Variants in ACER1 observed in about 807,000 individuals in gnomAD.
ACER1 encodes alkaline ceramidase 1.
ACER1 carries 28 observed loss-of-function variants against 24.9 expected under a neutral mutation model. The ratio of observed to expected loss-of-function variants is 1.13; its 90% CI spans 0.83 to 1.54. The LOEUF (loss-of-function observed/expected upper bound fraction) is 1.54. ACER1 is among the 40% of genes most tolerant of loss of function. The pLI is 0.00. For missense variants in ACER1, 352 were observed against 349.3 expected (o/e 1.01, Z -0.06); for synonymous variants, 132 against 131.4 (o/e 1.00, Z -0.03).
At chr19:6,345,153 C>T in the ACER1 span, among the ~76,000 whole-genome samples, 1 of 152,104 alleles carries the variant, frequency 6.6e-6, no homozygotes, top group Non-Finnish European at 1.5e-5. Flanking sequence ...CCTCTGCCAC[C>T]CAAAGTGCTG....
At position 6,316,676 on chromosome 19, in the gene ACER1, C is replaced by T. The variant is rs146605171; in HGVS notation, c.94-4177G>A. On this transcript the variant is annotated intron_variant, in intron 1 of 5. Coordinates refer to ENST00000301452, the MANE Select transcript of ACER1 (RefSeq NM_133492.3). ...TCTACTAAAGATACAAAAAATTAGC[C>T]GAGCATGGTGGTGCATGCCTATAAT... Among the ~76,000 whole-genome samples, 1,178 of 151,686 alleles carry T rather than the reference C, an allele frequency of 7.8e-3. 6 individuals are homozygous for T. Among genetic ancestry groups the T allele is most frequent in the South Asian group, 0.016 (78 of 4,786 alleles).
chr19:6,335,812 CAGAG>C (rs1372905129), upstream of ACER1, among the ~76,000 whole-genome samples: 1 of 151,292 alleles, frequency 6.6e-6, no homozygotes, highest in Non-Finnish European at 1.5e-5. Context: ...GCCTGGGTGA[CAGAG>C]AAAGACTCTG....
chr19:6,310,756 T>A (rs1232163213), intron 3 of ACER1, among the ~76,000 whole-genome samples: 10 of 150,936 alleles, frequency 6.6e-5, no homozygotes, highest in Admixed American at 5.3e-4. Flanking sequence ...GGCATGTGCC[T>A]GTAATCTCAG....
chr19:6,339,942 G>C, the ACER1 span, among the ~76,000 whole-genome samples: 1 of 151,670 alleles, frequency 6.6e-6, no homozygotes, highest in Non-Finnish European at 1.5e-5. Context: ...TGGGATTACA[G>C]GCGTGAGCCA....
Position 6,306,746 on chromosome 19 carries a change from CG to C in ACER1, c.762del (p.Tyr254Ter). On this transcript the variant is annotated frameshift_variant, in exon 6 of 6. Transcript: ENST00000301452. LOFTEE classifies it high-confidence loss of function. Reference protein sequence around the residue: ...PRDSWPVGLPYVEIRGDDKDC With the variant: ...PRDSWPVGLPXVEIRGDDKDC ...TCCTTGTCATCACCCCGGATTTCCA[CG>C]TAGGGCAGCCCCACGGGCCAACTGT... 2.5e-6 allele frequency: 4 copies of C among 1,613,242 alleles called. No homozygotes were observed. The highest frequency in any genetic ancestry group is 2.5e-6 in the Non-Finnish European group (3 of 1,179,502).
intron 1 of ACER1, among the ~76,000 whole-genome samples, chr19:6,325,323 G>C (rs957749080): frequency 2.0e-5 from 3 of 152,182 alleles, no homozygotes; most frequent in African/African-American, 7.2e-5. Context: ...TCCGCTTCAA[G>C]CTGCTCACTA....
the ACER1 span, among the ~76,000 whole-genome samples, chr19:6,353,945 G>A: frequency 7.8e-4 from 118 of 152,066 alleles, 6 homozygotes; most frequent in South Asian, 0.024. Flanking sequence ...ACTTTGGGAG[G>A]CCGAGGTGGG....
At chr19:6,322,455 C>CCAAACTCCTACCCCACTTGG (rs2091635688) in intron 1 of ACER1, among the ~76,000 whole-genome samples, 2 of 152,036 alleles carry the variant, frequency 1.3e-5, no homozygotes, top group African/African-American at 4.8e-5. Flanking sequence ...CTGTCTTTCC[C>CCAAACTCCTACCCCACTTGG]CAAACTCCTA....
upstream of ACER1, among the ~76,000 whole-genome samples, chr19:6,336,121 G>A (rs1043600186): frequency 8.6e-5 from 13 of 151,790 alleles, no homozygotes; most frequent in African/African-American, 2.4e-4. Context: ...GGCTAGTCTC[G>A]AACTCGTGAC....
chr19:6,312,116 C>G (rs376793553), intron 3 of ACER1, 33 bp downstream of exon 3: 45 of 1,607,492 alleles, frequency 2.8e-5, no homozygotes, highest in Non-Finnish European at 3.8e-5. Flanking sequence ...GACTCAGACC[C>G]CACCCTGTCC....
At chr19:6,357,094 G>A in the ACER1 span, among the ~76,000 whole-genome samples, 1 of 149,024 alleles carries the variant, frequency 6.7e-6, no homozygotes, top group African/African-American at 2.5e-5. Context: ...GCCCAGGCTG[G>A]AGTGCAATGG....
chr19:6,360,066 C>T, the ACER1 span: 1 of 152,222 alleles, frequency 6.6e-6, no homozygotes, highest in Non-Finnish European at 1.5e-5. Flanking sequence ...AGCAATCTTC[C>T]TACTTCCACC....
At chr19:6,321,785 T>A (rs958650723) in intron 1 of ACER1, among the ~76,000 whole-genome samples, 1 of 152,184 alleles carries the variant, frequency 6.6e-6, no homozygotes, top group Non-Finnish European at 1.5e-5. Flanking sequence ...TTTTTAAAAT[T>A]ATTTTTAGTA....
chr19:6,321,433 A>G (rs1177967487), intron 1 of ACER1, among the ~76,000 whole-genome samples: 1 of 151,916 alleles, frequency 6.6e-6, no homozygotes, highest in African/African-American at 2.4e-5. Flanking sequence ...GAGCCACCCC[A>G]TCTGGCCGAA....
chr19:6,346,394 T>C, the ACER1 span, among the ~76,000 whole-genome samples: 1 of 152,030 alleles, frequency 6.6e-6, no homozygotes, highest in Non-Finnish European at 1.5e-5. Flanking sequence ...TAACCTCAAA[T>C]GGGTATTCTA....
the ACER1 span, among the ~76,000 whole-genome samples, chr19:6,348,052 A>C: frequency 7.1e-6 from 1 of 141,228 alleles, no homozygotes; most frequent in Non-Finnish European, 1.5e-5. Flanking sequence ...GCCTGACTAG[A>C]AGTGTTAATT....
the ACER1 span, among the ~76,000 whole-genome samples, chr19:6,350,704 G>T: frequency 6.6e-6 from 1 of 152,052 alleles, no homozygotes; most frequent in Non-Finnish European, 1.5e-5. Context: ...AGAGGATGTG[G>T]GTGCTGCAGA....
At chr19:6,314,657 C>A (rs8111173) in intron 1 of ACER1, among the ~76,000 whole-genome samples, 1 of 152,006 alleles carries the variant, frequency 6.6e-6, no homozygotes, top group African/African-American at 2.4e-5. Flanking sequence ...ACAACCTCTA[C>A]GGAAAACAGT....
At chr19:6,308,923 G>A (rs1389163066) in intron 4 of ACER1, among the ~76,000 whole-genome samples, 3 of 152,060 alleles carry the variant, frequency 2.0e-5, no homozygotes, top group Non-Finnish European at 2.9e-5. Flanking sequence ...ACTCTGCTGG[G>A]CACAGTGGCT....
Sources: allele counts gnomAD v4.1 joint callset (sites outside exome capture counted in the v4.1 genomes callset), GRCh38; gene constraint gnomAD v4.1.1; transcripts MANE v1.5; gene names NCBI Gene and HGNC (gene_info 2026-07-23, HGNC 2026-07-21).